NTRK3: variants seen among roughly 807,000 people sequenced by gnomAD.
NTRK3 encodes the protein neurotrophic receptor tyrosine kinase 3.
NTRK3 carries 24 observed loss-of-function variants against 91.7 expected under a neutral mutation model. That is an observed-to-expected ratio of 0.26 (90% CI 0.19 to 0.37). The LOEUF (loss-of-function observed/expected upper bound fraction) is 0.37, where lower values mean the gene tolerates loss of function less well. Among genes scored for constraint, NTRK3 ranks in the 10% least tolerant of loss-of-function variants. The pLI is 1.00. For missense variants in NTRK3, 880 were observed against 1,068.9 expected, an observed-to-expected ratio of 0.82 and a Z score of 2.46; for synonymous variants, 483 against 404.0, an observed-to-expected ratio of 1.20 and a Z score of -2.34.
At chr15:88,120,303 G>GA (rs2052562112) in intron 13 of NTRK3, among the ~76,000 whole-genome samples, 1 of 152,044 alleles carries the variant, frequency 6.6e-6, no homozygotes, top group Admixed American at 6.5e-5. Flanking sequence ...TCTGTTTATG[G>GA]AAAAAAATGT....
chr15:87,925,034 T>C (rs1006717118), intron 17 of NTRK3, among the ~76,000 whole-genome samples: 1 of 152,198 alleles, frequency 6.6e-6, no homozygotes, highest in East Asian at 1.9e-4. Flanking sequence ...TAGATTTGAC[T>C]ATCAATCTCT....
chr15:88,037,664 C>T (rs1385316166), intron 13 of NTRK3, among the ~76,000 whole-genome samples: 1 of 152,130 alleles, frequency 6.6e-6, no homozygotes, highest in South Asian at 2.1e-4. Context: ...AATGAGCCAA[C>T]GTGTTGGAAA....
chr15:87,929,577 T>C, intron 16 of NTRK3, 143 bp from the exon 17 acceptor site: 2 of 1,087,950 alleles, frequency 1.8e-6, no homozygotes, highest in Non-Finnish European at 2.6e-6. Flanking sequence ...CTTATTTTTA[T>C]CTGCCCCAAA....
intron 13 of NTRK3, among the ~76,000 whole-genome samples, chr15:88,100,221 A>C (rs996097255): frequency 2.3e-4 from 35 of 152,210 alleles, no homozygotes; most frequent in African/African-American, 7.5e-4. Context: ...ACACACAGCA[A>C]AGAAGCAAAA....
intron 17 of NTRK3, among the ~76,000 whole-genome samples, chr15:87,886,709 C>CATATATATATATATATAT (rs1340884735): frequency 4.6e-4 from 28 of 60,606 alleles, no homozygotes; most frequent in African/African-American, 1.4e-3. Flanking sequence ...TACATATATA[C>CATATATATATATATATAT]ACACACACAC....
intron 10 of NTRK3, among the ~76,000 whole-genome samples, chr15:88,130,393 G>A (rs899550954): frequency 1.3e-5 from 2 of 152,116 alleles, no homozygotes; most frequent in Non-Finnish European, 2.9e-5. Context: ...AATCATCAAT[G>A]AATGTTAGAG....
rs1347648578 is a variant in NTRK3, at chr15:88,199,917, G to A, written c.249-15618C>T. ...CACCACTTCCAAGAAAGGAAGTGGT[G>A]CTGGTGCCCACTGAGTAAAGAGAAG... is the stretch of plus-strand genomic sequence containing the variant. On this transcript the variant is annotated intron_variant, in intron 3 of 18. Coordinates refer to ENST00000394480, the Ensembl canonical transcript of NTRK3. Among the ~76,000 whole-genome samples, 3 of 152,212 alleles carry A rather than the reference G, an allele frequency of 2.0e-5. No individual in the cohort carries two copies. The South Asian group carries it at 6.2e-4, about 31-fold the overall frequency.
chr15:87,940,679 G>T (rs1170771297), exon 15 of NTRK3: 5 of 1,614,128 alleles, frequency 3.1e-6, no homozygotes, highest in Non-Finnish European at 4.2e-6. Context: ...CACTCGGCCA[G>T]GAAGACCTTT....
intron 13 of NTRK3, among the ~76,000 whole-genome samples, chr15:88,123,237 T>G (rs1366284681): frequency 6.6e-6 from 1 of 152,196 alleles, no homozygotes; most frequent in Non-Finnish European, 1.5e-5. Context: ...GTAGTATTAT[T>G]ACCATTCTGG....
At chr15:88,131,761 C>G (rs760065630) in intron 10 of NTRK3, among the ~76,000 whole-genome samples, 2 of 152,210 alleles carry the variant, frequency 1.3e-5, no homozygotes, top group African/African-American at 4.8e-5. Flanking sequence ...TTTGCCAGGG[C>G]CTGGAAGCAT....
At chr15:88,048,833 G>A (rs924620140) in intron 13 of NTRK3, among the ~76,000 whole-genome samples, 1 of 152,206 alleles carries the variant, frequency 6.6e-6, no homozygotes, top group African/African-American at 2.4e-5. Context: ...GCAACAGATG[G>A]ATGCCACAAG....
At chr15:87,920,191 G>A (rs2067761185) in intron 17 of NTRK3, among the ~76,000 whole-genome samples, 1 of 152,178 alleles carries the variant, frequency 6.6e-6, no homozygotes, top group African/African-American at 2.4e-5. Context: ...TAGATAATTA[G>A]TGTGCAGATC....
chr15:88,101,025 T>C (rs1417173070), intron 13 of NTRK3, among the ~76,000 whole-genome samples: 2 of 152,144 alleles, frequency 1.3e-5, no homozygotes, highest in Admixed American at 1.3e-4. Context: ...TGGGATCTAA[T>C]TAAACTAAAG....
At chr15:88,115,429 C>T (rs1219710593) in intron 13 of NTRK3, among the ~76,000 whole-genome samples, 6 of 152,236 alleles carry the variant, frequency 3.9e-5, no homozygotes, top group South Asian at 2.1e-4. Flanking sequence ...AAGGCTAACC[C>T]ACTGAACTCC....
At chr15:88,130,726 T>C (rs2041249380) in intron 10 of NTRK3, among the ~76,000 whole-genome samples, 1 of 152,058 alleles carries the variant, frequency 6.6e-6, no homozygotes, top group Admixed American at 6.5e-5. Flanking sequence ...AGTTCCAAGA[T>C]CATGAAAGAC....
intron 13 of NTRK3, among the ~76,000 whole-genome samples, chr15:88,109,087 TC>T (rs2051035152): frequency 1.3e-5 from 2 of 152,162 alleles, no homozygotes; most frequent in Admixed American, 1.3e-4. Flanking sequence ...CGGATGCTTC[TC>T]CCCCAATCCA....
rs894323651 is a variant in NTRK3 at position 88,243,852 on chromosome 15, C to G, written c.248+12054G>C. ...GCCCATGTGGTTTCTCCAGTTGTGA[C>G]TTCGTACTGTGGGCCCCAGCAAGAA... is the stretch of plus-strand genomic sequence containing the variant. On this transcript the variant is annotated intron_variant, in intron 3 of 18. Transcript: ENST00000394480. This position sits in a 1 kb window ranked among gnomAD's most constrained non-coding sequence, Gnocchi z 4.8. Among the ~76,000 whole-genome samples, 1 of 152,198 alleles carries G rather than the reference C, an allele frequency of 6.6e-6. No homozygotes were observed. Among genetic ancestry groups the G allele is most frequent in the African/African-American group, 2.4e-5 (1 of 41,430 alleles).
exon 14 of NTRK3, chr15:88,033,027 C>T (rs2142023501): frequency 6.3e-7 from 1 of 1,593,238 alleles, no homozygotes; most frequent in Non-Finnish European, 8.6e-7. Context: ...CTCCTCACCA[C>T]TGATGACAGC....
rs2049441397 is a variant in NTRK3, at chr15:88,095,046, T to C, written c.1396+31225A>G. Among the ~76,000 whole-genome samples the C allele has an allele frequency of 2.6e-5, 4 of 152,210 alleles. No homozygotes were observed. In the South Asian group the frequency reaches 8.3e-4, roughly 31 times the overall value. On this transcript the variant is annotated intron_variant, in intron 13 of 18. Transcript: ENST00000394480. ...GGAGCTGTGGCTATGGCCAAATTGA[T>C]GGCACTCTGGCGGACACCACAACAC...
Sources: gnomAD v4.1 joint callset for allele counts (sites outside exome capture counted in the v4.1 genomes callset) on GRCh38, gnomAD v4.1.1 for gene constraint, Gnocchi (gnomAD v3.1) non-coding constraint, MANE v1.5 for transcripts, NCBI Gene and HGNC (gene_info 2026-07-23, HGNC 2026-07-21) for gene names.